The following CELF2 variants were observed in gnomAD, a reference collection of about 807,000 sequenced individuals.
CELF2 encodes CUG triplet repeat RNA-binding protein 2.
Under a neutral mutation model 62.6 loss-of-function variants are expected in CELF2, and 8 were observed. That is an observed-to-expected ratio of 0.13 (90% CI 0.07 to 0.23). The LOEUF (loss-of-function observed/expected upper bound fraction) is 0.23. Among genes scored for constraint, CELF2 ranks in the 10% least tolerant of loss-of-function variants. CELF2 has a pLI of 1.00. For missense variants in CELF2, 333 were observed against 671.0 expected, an observed-to-expected ratio of 0.50 and a Z score of 5.56; for synonymous variants, 258 against 250.0, an observed-to-expected ratio of 1.03 and a Z score of -0.30.
chr10:11,184,752 T>G (rs1178781913), intron 2 of CELF2, among the ~76,000 whole-genome samples: 2 of 152,272 alleles, frequency 1.3e-5, no homozygotes, highest in East Asian at 3.8e-4. Context: ...TTATGTATCC[T>G]ACAACCTTGC....
intron 1 of CELF2, among the ~76,000 whole-genome samples, chr10:11,054,598 A>G (rs888262188): frequency 6.6e-6 from 1 of 152,068 alleles, no homozygotes; most frequent in African/African-American, 2.4e-5. Context: ...ATAGTGGCCT[A>G]CAGGACACTC....
At chr10:10,629,185 A>G in the CELF2 span, among the ~76,000 whole-genome samples, 2 of 152,090 alleles carry the variant, frequency 1.3e-5, no homozygotes, top group Admixed American at 6.5e-5. Flanking sequence ...ATTTTTCCAT[A>G]ATAAAACATC....
intron 2 of CELF2, among the ~76,000 whole-genome samples, chr10:10,953,681 C>G (rs1395734393): frequency 6.6e-6 from 1 of 151,978 alleles, no homozygotes. Context: ...TTCATGATAT[C>G]AGAATGGGAA....
intron 1 of CELF2, among the ~76,000 whole-genome samples, chr10:10,800,190 A>G (rs751906780): frequency 2.0e-5 from 3 of 152,226 alleles, no homozygotes; most frequent in African/African-American, 7.2e-5. Context: ...AAAGTACTGC[A>G]TGTCATATTC....
the CELF2 span, among the ~76,000 whole-genome samples, chr10:10,465,829 C>A: frequency 6.6e-6 from 1 of 152,016 alleles, no homozygotes; most frequent in East Asian, 1.9e-4. Context: ...AGACAATTAC[C>A]AGCTAACAAG....
the CELF2 span, among the ~76,000 whole-genome samples, chr10:10,517,420 A>C: frequency 6.6e-6 from 1 of 152,184 alleles, no homozygotes; most frequent in Non-Finnish European, 1.5e-5. Context: ...CAGAAAGGAA[A>C]ACAGGGAGGT....
At chr10:10,521,435 A>C in the CELF2 span, among the ~76,000 whole-genome samples, 3 of 152,214 alleles carry the variant, frequency 2.0e-5, no homozygotes, top group Non-Finnish European at 4.4e-5. Flanking sequence ...TTTCAGATTA[A>C]TCATAGCAAT....
At chr10:10,873,174 G>A (rs1042834802) in intron 1 of CELF2, among the ~76,000 whole-genome samples, 9 of 152,112 alleles carry the variant, frequency 5.9e-5, no homozygotes, top group Non-Finnish European at 2.9e-5. Context: ...TGCTGTAGGG[G>A]AGAGAGTGCA....
At chr10:10,998,198 G>C (rs190810662) in intron 2 of CELF2, among the ~76,000 whole-genome samples, 4 of 152,284 alleles carry the variant, frequency 2.6e-5, no homozygotes, top group Admixed American at 2.0e-4. Context: ...AGCAGCGTGA[G>C]AACAGGCTAA....
the CELF2 span, among the ~76,000 whole-genome samples, chr10:10,486,590 A>G: frequency 6.6e-6 from 1 of 152,230 alleles, no homozygotes; most frequent in East Asian, 1.9e-4. Flanking sequence ...TCATATTTGC[A>G]TTATACTTAC....
At chr10:11,065,299 C>T (rs541082949) in intron 1 of CELF2, among the ~76,000 whole-genome samples, 1 of 152,310 alleles carries the variant, frequency 6.6e-6, no homozygotes, top group East Asian at 1.9e-4. Context: ...TACAGTGATG[C>T]ATTTTCAAAA....
intron 1 of CELF2, among the ~76,000 whole-genome samples, chr10:11,009,087 G>A (rs2055915920): frequency 2.0e-5 from 3 of 148,102 alleles, no homozygotes; most frequent in African/African-American, 4.9e-5. Context: ...TTCTTTTTCT[G>A]AACTAACAGT....
chr10:11,240,352 T>G (rs868658248), intron 3 of CELF2, among the ~76,000 whole-genome samples: 7 of 152,258 alleles, frequency 4.6e-5, no homozygotes, highest in Non-Finnish European at 5.9e-5. Context: ...CAGTGTACTT[T>G]TTTGCACTAT....
intron 1 of CELF2, among the ~76,000 whole-genome samples, chr10:11,128,613 T>A (rs1054497474): frequency 6.6e-6 from 1 of 152,166 alleles, no homozygotes; most frequent in Non-Finnish European, 1.5e-5. Context: ...ATTTGGATTC[T>A]TAGGTATTTT....
intron 1 of CELF2, among the ~76,000 whole-genome samples, chr10:10,860,716 C>T (rs1051102475): frequency 1.3e-5 from 2 of 152,220 alleles, no homozygotes; most frequent in Non-Finnish European, 2.9e-5. Flanking sequence ...AACAACGTGG[C>T]AGGCAGTATT....
At position 11,269,451 on chromosome 10, in the gene CELF2, A is replaced by G. The variant is rs961474359; in HGVS notation, c.619-1215A>G. Among the ~76,000 whole-genome samples, 1 of 152,250 alleles carries G rather than the reference A, an allele frequency of 6.6e-6. No individual in the cohort carries two copies. The highest frequency in any genetic ancestry group is 2.4e-5 in the African/African-American group (1 of 41,468). ...CGTTTGTTTTCCAGAAAAGAGAAAC[A>G]TGACCCAAAGGGAATGGAACAGAGA... On this transcript the variant is annotated intron_variant, in intron 6 of 12. Transcript: ENST00000633077. The surrounding 1 kb of genome is among the most constrained non-coding windows in gnomAD (Gnocchi z 4.4).
At chr10:10,952,432 T>A (rs1047948063) in intron 2 of CELF2, among the ~76,000 whole-genome samples, 1 of 151,950 alleles carries the variant, frequency 6.6e-6, no homozygotes, top group African/African-American at 2.4e-5. Flanking sequence ...GAGGAGGAAA[T>A]TATGAAAAGA....
At chr10:10,835,709 A>T (rs1338181715) in intron 1 of CELF2, among the ~76,000 whole-genome samples, 1 of 152,092 alleles carries the variant, frequency 6.6e-6, no homozygotes, top group Non-Finnish European at 1.5e-5. Flanking sequence ...AAATGTGTGC[A>T]TGGTTATTGT....
At position 11,336,102 on chromosome 10, in the gene CELF2, C is replaced by G. The variant is rs973813323; in HGVS notation, c.*7049C>G. The G allele has an allele frequency of 2.0e-5, 3 of 152,690 alleles. No individual in the cohort carries two copies. Among genetic ancestry groups the G allele is most frequent in the Non-Finnish European group, 4.4e-5 (3 of 68,080 alleles). 9.5% of individuals were successfully genotyped at this position (152,690 alleles called of 1,614,324 possible). ...CCGCCTTGCTGATGGAAGCCACACACGCTGCCCAGCCCACAGCAGTCGCAC... is the reference window on the plus strand; with the variant it reads ...CCGCCTTGCTGATGGAAGCCACACAGGCTGCCCAGCCCACAGCAGTCGCAC... On this transcript the variant is annotated 3_prime_UTR_variant, in exon 13 of 13. Transcript: ENST00000633077. The surrounding 1 kb of genome is among the most constrained non-coding windows in gnomAD (Gnocchi z 5.4).
Sources: allele counts gnomAD v4.1 joint callset (sites outside exome capture counted in the v4.1 genomes callset), GRCh38; gene constraint gnomAD v4.1.1; non-coding constraint Gnocchi (gnomAD v3.1); transcripts MANE v1.5; gene names NCBI Gene and HGNC (gene_info 2026-07-23, HGNC 2026-07-21).